Variants in SHISA9 observed in about 807,000 individuals in gnomAD.
SHISA9 encodes the protein shisa family member 9, also known as protein shisa-9.
SHISA9 carries 13 observed loss-of-function variants against 38.0 expected under a neutral mutation model. The ratio of observed to expected loss-of-function variants is 0.34; its 90% CI spans 0.22 to 0.54. SHISA9 has a LOEUF of 0.54. SHISA9 is among the 20% of genes least tolerant of loss of function. The pLI is 0.91. For synonymous variants in SHISA9, 275 were observed against 242.0 expected, an observed-to-expected ratio of 1.14 and a Z score of -1.27; for missense variants, 538 against 575.8, an observed-to-expected ratio of 0.93 and a Z score of 0.67.
chr16:13,363,791 T>C, the SHISA9 span, among the ~76,000 whole-genome samples: 1 of 152,222 alleles, frequency 6.6e-6, no homozygotes, highest in Non-Finnish European at 1.5e-5. Context: ...TTAGCATGCA[T>C]GATAGACGTG....
intron 2 of SHISA9, among the ~76,000 whole-genome samples, chr16:13,037,658 T>C (rs2141884621): frequency 6.6e-6 from 1 of 152,230 alleles, no homozygotes; most frequent in East Asian, 1.9e-4. Context: ...ATCACCATGG[T>C]TTAAACTCTC....
At chr16:13,321,520 A>G in the SHISA9 span, among the ~76,000 whole-genome samples, 1 of 152,248 alleles carries the variant, frequency 6.6e-6, no homozygotes, top group Non-Finnish European at 1.5e-5. Flanking sequence ...TAAGGCCATT[A>G]TTAGCATCCT....
At chr16:13,395,258 G>A in the SHISA9 span, among the ~76,000 whole-genome samples, 1 of 152,190 alleles carries the variant, frequency 6.6e-6, no homozygotes, top group Non-Finnish European at 1.5e-5. Context: ...GGAAACAACA[G>A]CTCAAATGAA....
In SHISA9 at chr16:13,220,803, C is replaced by T. The variant is rs568482119; in HGVS notation, c.895+7503C>T. Among the ~76,000 whole-genome samples the T allele has an allele frequency of 8.5e-5, 13 of 152,252 alleles. No homozygotes were observed. The East Asian group carries it at 1.4e-3, about 16-fold the overall frequency. On this transcript the variant is annotated intron_variant, in intron 4 of 4. Coordinates refer to ENST00000558583, the MANE Select transcript of SHISA9 (RefSeq NM_001145204.3). ...ATGGCTGGAGAATGAGCCTGTCCAC[C>T]GTTGTCCAGTAGCCTTTCAGAAGAT...
intron 2 of SHISA9, among the ~76,000 whole-genome samples, chr16:13,139,272 CTATCTCTTCCTT>C (rs1249781980): frequency 6.7e-6 from 1 of 149,778 alleles, no homozygotes; most frequent in Non-Finnish European, 1.5e-5. Context: ...TTCCCTTCCT[CTATCTCTTCCTT>C]CTTCCCTCTT....
intron 2 of SHISA9, among the ~76,000 whole-genome samples, chr16:13,071,694 G>T (rs1405822812): frequency 5.3e-5 from 8 of 151,230 alleles, no homozygotes; most frequent in African/African-American, 2.0e-4. Flanking sequence ...CTGGAGTGAA[G>T]TGGCACGATC....
chr16:12,954,759 T>A (rs2071805979), intron 2 of SHISA9, among the ~76,000 whole-genome samples: 1 of 152,166 alleles, frequency 6.6e-6, no homozygotes. Flanking sequence ...ACATGGCACA[T>A]CTTGAGTTAC....
At chr16:13,469,323 A>AG in the SHISA9 span, among the ~76,000 whole-genome samples, 36 of 84,224 alleles carry the variant, frequency 4.3e-4, no homozygotes, top group African/African-American at 1.4e-3. Flanking sequence ...AGAGAGAGAG[A>AG]AAGAAAGAAA....
At chr16:13,115,325 A>C (rs1474551564) in intron 2 of SHISA9, among the ~76,000 whole-genome samples, 1 of 152,228 alleles carries the variant, frequency 6.6e-6, no homozygotes, top group East Asian at 1.9e-4. Context: ...AGCCCCGAAC[A>C]GAGATTTACC....
chr16:13,487,244 A>G, the SHISA9 span, among the ~76,000 whole-genome samples: 3 of 152,202 alleles, frequency 2.0e-5, no homozygotes, highest in African/African-American at 7.2e-5. Context: ...TAACCTATAC[A>G]TATCTCTGTG....
chr16:13,288,487 C>CAG, the SHISA9 span, among the ~76,000 whole-genome samples: 1 of 151,688 alleles, frequency 6.6e-6, no homozygotes, highest in Non-Finnish European at 1.5e-5. Flanking sequence ...CAAAGAGAGA[C>CAG]AGAGAGAGAG....
chr16:13,034,442 G>A (rs1357973772), intron 2 of SHISA9, among the ~76,000 whole-genome samples: 1 of 152,134 alleles, frequency 6.6e-6, no homozygotes, highest in African/African-American at 2.4e-5. Context: ...CTGAGATCAG[G>A]GAGAATTGGA....
At chr16:12,970,345 ATATATGTG>A (rs2072041721) in intron 2 of SHISA9, among the ~76,000 whole-genome samples, 1 of 64,988 alleles carries the variant, frequency 1.5e-5, no homozygotes, top group Non-Finnish European at 3.0e-5. Context: ...ATATATATAC[ATATATGTG>A]TATATATATA....
intron 2 of SHISA9, among the ~76,000 whole-genome samples, chr16:12,952,741 C>T (rs1159371341): frequency 2.0e-5 from 3 of 152,192 alleles, no homozygotes; most frequent in Non-Finnish European, 4.4e-5. Context: ...TCTCCTTCAC[C>T]TTCCACCATG....
chr16:12,996,823 T>G (rs2072462758), intron 2 of SHISA9, among the ~76,000 whole-genome samples: 1 of 152,126 alleles, frequency 6.6e-6, no homozygotes, highest in African/African-American at 2.4e-5. Context: ...TATTTTAATT[T>G]TAAAAAAAGT....
intron 2 of SHISA9, among the ~76,000 whole-genome samples, chr16:12,997,942 A>G (rs959334208): frequency 3.1e-4 from 47 of 152,304 alleles, no homozygotes; most frequent in Middle Eastern, 3.4e-3. Flanking sequence ...TCCAGACACC[A>G]TGTTATACAC....
intron 4 of SHISA9, among the ~76,000 whole-genome samples, chr16:13,217,068 G>A (rs2051176165): frequency 6.6e-6 from 1 of 151,242 alleles, no homozygotes; most frequent in Admixed American, 6.6e-5. Flanking sequence ...TCAGAGGATC[G>A]AGACCATCCT....
chr16:13,542,795 C>A, the SHISA9 span, among the ~76,000 whole-genome samples: 1 of 152,120 alleles, frequency 6.6e-6, no homozygotes, highest in Non-Finnish European at 1.5e-5. Context: ...AATGAAAATT[C>A]AAGAGGTATT....
the SHISA9 span, among the ~76,000 whole-genome samples, chr16:13,558,492 A>AT: frequency 8.2e-3 from 1,254 of 152,268 alleles, 11 homozygotes; most frequent in African/African-American, 0.028. Context: ...TGACCACAAC[A>AT]TTTTTATCAA....
Sources: allele counts gnomAD v4.1 joint callset (sites outside exome capture counted in the v4.1 genomes callset), GRCh38; gene constraint gnomAD v4.1.1; transcripts MANE v1.5; gene names NCBI Gene and HGNC (gene_info 2026-07-23, HGNC 2026-07-21).